Variants in ERBB4 observed in about 807,000 individuals in gnomAD.
The protein encoded by ERBB4 is receptor tyrosine-protein kinase erbB-4.
A neutral mutation model predicts 158.0 loss-of-function variants in ERBB4; 42 were observed. The ratio of observed to expected loss-of-function variants is 0.27; its 90% CI spans 0.21 to 0.34. The LOEUF is 0.34. Among genes scored for constraint, ERBB4 ranks in the 10% least tolerant of loss-of-function variants. The pLI is 1.00. For missense variants in ERBB4, 1,333 were observed against 1,624.1 expected (o/e 0.82, Z 3.08); for synonymous variants, 583 against 558.7 (o/e 1.04, Z -0.61).
chr2:212,297,429 T>C (rs2086453880), intron 1 of ERBB4, among the ~76,000 whole-genome samples: 1 of 152,072 alleles, frequency 6.6e-6, no homozygotes, highest in Admixed American at 6.6e-5. Flanking sequence ...ATCGATGGTA[T>C]ATATGTGATC....
At position 211,861,123 on chromosome 2, in the gene ERBB4, T is replaced by TA. The variant is rs1559585953; in HGVS notation, c.422-72965_422-72964insT. ...ACATTATATATATTTATATATATATTTTATATATATATATATATATATATA... is the reference window on the plus strand; with the variant it reads ...ACATTATATATATTTATATATATATTATTATATATATATATATATATATATA... On this transcript the variant is annotated intron_variant, in intron 3 of 27. Coordinates refer to ENST00000342788, the MANE Select transcript of ERBB4 (RefSeq NM_005235.3). Among the ~76,000 whole-genome samples, 22 of 15,548 alleles carry TA rather than the reference T, an allele frequency of 1.4e-3. 3 individuals carry two copies. The highest frequency in any genetic ancestry group is 6.5e-3 in the African/African-American group (20 of 3,058). 10.2% of individuals were successfully genotyped at this position (15,548 alleles called of 152,430 possible).
chr2:211,392,601 C>CACACACACACACACA (rs1559122671), intron 25 of ERBB4, among the ~76,000 whole-genome samples: 1 of 134,120 alleles, frequency 7.5e-6, no homozygotes, highest in African/African-American at 2.6e-5. Context: ...CACACACACA[C>CACACACACACACACA]CCCAATAATG....
At chr2:212,015,083 TATATATATATATATATATATATATATATA>T (rs2076492210) in intron 2 of ERBB4, among the ~76,000 whole-genome samples, 2 of 10,052 alleles carry the variant, frequency 2.0e-4, no homozygotes, top group Admixed American at 1.6e-3. Context: ...TATATATATA[TATATATATATATATATATATATATATATA>T]AAAATTAGCC....
chr2:212,337,736 A>T (rs1161891119), intron 1 of ERBB4, among the ~76,000 whole-genome samples: 1 of 152,148 alleles, frequency 6.6e-6, no homozygotes, highest in Non-Finnish European at 1.5e-5. Flanking sequence ...AAGTTTCAAC[A>T]TCAATCCACT....
intron 3 of ERBB4, among the ~76,000 whole-genome samples, chr2:211,807,784 T>A (rs949334927): frequency 6.6e-6 from 1 of 152,178 alleles, no homozygotes; most frequent in Non-Finnish European, 1.5e-5. Context: ...CTCTCCAGCA[T>A]CTGTTGTTTC....
At position 211,631,135 on chromosome 2, in the gene ERBB4, T is replaced by C. The variant is rs376476609; in HGVS notation, c.1947-541A>G. On this transcript the variant is annotated intron_variant, in intron 16 of 27. Transcript: ENST00000342788. ...GCATTCCTGGCTTCCATCCCTGAGA[T>C]GCCAGTAGCACCCCCATCCTCTAGT... Among the ~76,000 whole-genome samples the C allele has an allele frequency of 2.0e-4, 31 of 152,188 alleles. No individual in the cohort carries two copies. The East Asian group carries it at 5.4e-3, about 27-fold the overall frequency.
At chr2:212,338,683 T>C (rs948142026) in intron 1 of ERBB4, among the ~76,000 whole-genome samples, 3 of 152,156 alleles carry the variant, frequency 2.0e-5, no homozygotes, top group Non-Finnish European at 2.9e-5. Context: ...ATTTAGGCAT[T>C]GCATCAACAT....
chr2:212,390,134 T>C (rs187296921), intron 1 of ERBB4, among the ~76,000 whole-genome samples: 50 of 152,004 alleles, frequency 3.3e-4, no homozygotes, highest in African/African-American at 1.2e-3. Flanking sequence ...AAATGACTTA[T>C]GTAACTGTAA....
At chr2:211,988,693 A>T (rs896381842) in intron 2 of ERBB4, among the ~76,000 whole-genome samples, 2 of 151,982 alleles carry the variant, frequency 1.3e-5, no homozygotes, top group East Asian at 3.9e-4. Context: ...CAAGCAAAAG[A>T]CTATGCTCTT....
chr2:211,750,152 T>C (rs2075088726), intron 5 of ERBB4, among the ~76,000 whole-genome samples: 1 of 152,204 alleles, frequency 6.6e-6, no homozygotes, highest in Non-Finnish European at 1.5e-5. Context: ...TTGTCAAAAA[T>C]AGTGACTATT....
intron 2 of ERBB4, among the ~76,000 whole-genome samples, chr2:211,957,036 C>T (rs1366121060): frequency 6.6e-6 from 1 of 151,926 alleles, no homozygotes; most frequent in Non-Finnish European, 1.5e-5. Flanking sequence ...CATTATGTTG[C>T]TGTGGCTGGT....
intron 3 of ERBB4, among the ~76,000 whole-genome samples, chr2:211,923,124 C>T (rs919657093): frequency 6.6e-6 from 1 of 152,022 alleles, no homozygotes; most frequent in South Asian, 2.1e-4. Context: ...TACTGGGGAA[C>T]TTTTGCATAT....
chr2:212,018,748 G>T (rs549095480), intron 2 of ERBB4, among the ~76,000 whole-genome samples: 1 of 152,170 alleles, frequency 6.6e-6, no homozygotes, highest in Non-Finnish European at 1.5e-5. Flanking sequence ...CTCTTTCAAT[G>T]AATATATATT....
intron 20 of ERBB4, among the ~76,000 whole-genome samples, chr2:211,457,412 T>C (rs1423538335): frequency 2.0e-5 from 3 of 152,230 alleles, no homozygotes; most frequent in African/African-American, 7.2e-5. Context: ...GTGTTAGTCA[T>C]TGTAGTGACA....
At chr2:211,602,883 T>C (rs1009849170) in intron 19 of ERBB4, among the ~76,000 whole-genome samples, 28 of 152,118 alleles carry the variant, frequency 1.8e-4, no homozygotes, top group African/African-American at 2.4e-5. Context: ...GCTGGGCCAA[T>C]GACCTAGATA....
intron 1 of ERBB4, among the ~76,000 whole-genome samples, chr2:212,297,365 C>A (rs938578064): frequency 1.7e-5 from 1 of 59,086 alleles, no homozygotes; most frequent in Admixed American, 2.3e-4. Flanking sequence ...TCATCCCTAG[C>A]CAAAATTGAC....
chr2:211,733,868 G>A (rs1046244867), intron 5 of ERBB4, among the ~76,000 whole-genome samples: 7 of 150,110 alleles, frequency 4.7e-5, no homozygotes, highest in Non-Finnish European at 1.0e-4. Context: ...ATCACTTGAG[G>A]CCAGGAGTTC....
chr2:212,371,506 C>T (rs561923610), intron 1 of ERBB4, among the ~76,000 whole-genome samples: 2 of 152,278 alleles, frequency 1.3e-5, no homozygotes, highest in East Asian at 3.9e-4. Flanking sequence ...GCATTTATTA[C>T]CCACTACGTA....
At chr2:211,929,227 T>C (rs1253927484) in intron 3 of ERBB4, among the ~76,000 whole-genome samples, 1 of 141,762 alleles carries the variant, frequency 7.1e-6, no homozygotes, top group Non-Finnish European at 1.5e-5. Flanking sequence ...TGTTTATCTT[T>C]GGAATAAGTG....
Sources: allele counts gnomAD v4.1 joint callset (sites outside exome capture counted in the v4.1 genomes callset), GRCh38; gene constraint gnomAD v4.1.1; transcripts MANE v1.5; gene names NCBI Gene and HGNC (gene_info 2026-07-23, HGNC 2026-07-21).